PPARGC1A: variants seen among roughly 807,000 people sequenced by gnomAD.
PPARGC1A encodes peroxisome proliferator-activated receptor gamma coactivator 1-alpha.
PPARGC1A carries 25 observed loss-of-function variants against 88.7 expected under a neutral mutation model. That is an observed-to-expected ratio of 0.28 (90% CI 0.21 to 0.39). The LOEUF (loss-of-function observed/expected upper bound fraction) is 0.39. PPARGC1A is among the 10% of genes least tolerant of loss of function. The pLI is 1.00. For missense variants in PPARGC1A, 880 were observed against 968.7 expected, an observed-to-expected ratio of 0.91 and a Z score of 1.22; for synonymous variants, 363 against 355.6, an observed-to-expected ratio of 1.02 and a Z score of -0.24.
the PPARGC1A span, among the ~76,000 whole-genome samples, chr4:24,443,104 G>A: frequency 2.0e-5 from 3 of 152,092 alleles, no homozygotes; most frequent in South Asian, 6.2e-4. Context: ...GTCCTAAATT[G>A]GTTAACCTCA....
the PPARGC1A span, among the ~76,000 whole-genome samples, chr4:24,185,750 T>C: frequency 2.6e-5 from 4 of 152,118 alleles, no homozygotes; most frequent in South Asian, 2.1e-4. Context: ...ATGTGTCATC[T>C]AGCATTAGGT....
At chr4:24,239,889 G>A in the PPARGC1A span, among the ~76,000 whole-genome samples, 1 of 152,030 alleles carries the variant, frequency 6.6e-6, no homozygotes, top group Non-Finnish European at 1.5e-5. Context: ...TATAGAAAGA[G>A]GAGTTTCTTC....
At chr4:24,141,694 T>C in the PPARGC1A span, among the ~76,000 whole-genome samples, 3 of 152,260 alleles carry the variant, frequency 2.0e-5, no homozygotes, top group African/African-American at 4.8e-5. Context: ...GGTGAAGGAA[T>C]GTTGCTTGTT....
chr4:24,066,849 G>GTTTTTTTTTTT, the PPARGC1A span, among the ~76,000 whole-genome samples: 5 of 100,868 alleles, frequency 5.0e-5, no homozygotes, highest in South Asian at 3.2e-4. Context: ...TTTGTTTTGG[G>GTTTTTTTTTTT]TTTTTTTTTT....
the PPARGC1A span, among the ~76,000 whole-genome samples, chr4:24,384,470 C>G: frequency 1.3e-5 from 2 of 149,100 alleles, no homozygotes; most frequent in Non-Finnish European, 3.0e-5. Context: ...TATCAATGTG[C>G]TGTATTCAGG....
At chr4:24,216,272 C>A in the PPARGC1A span, among the ~76,000 whole-genome samples, 1 of 151,654 alleles carries the variant, frequency 6.6e-6, no homozygotes, top group African/African-American at 2.4e-5. Context: ...CTCAGCCTCC[C>A]GAGTAGCTGG....
At chr4:24,307,274 G>A in the PPARGC1A span, among the ~76,000 whole-genome samples, 1 of 152,098 alleles carries the variant, frequency 6.6e-6, no homozygotes, top group Non-Finnish European at 1.5e-5. Context: ...CAAGACATTT[G>A]GGGCAGCTCT....
chr4:24,097,055 C>T, the PPARGC1A span, among the ~76,000 whole-genome samples: 113 of 152,186 alleles, frequency 7.4e-4, no homozygotes, highest in East Asian at 0.02. Context: ...GATGGTGCCA[C>T]GGCGCTCCAG....
the PPARGC1A span, among the ~76,000 whole-genome samples, chr4:24,109,019 C>CA: frequency 1.6e-4 from 23 of 140,730 alleles, no homozygotes; most frequent in African/African-American, 5.5e-4. Flanking sequence ...CACACACACA[C>CA]CACACACACA....
chr4:24,195,972 G>T, the PPARGC1A span, among the ~76,000 whole-genome samples: 1 of 152,196 alleles, frequency 6.6e-6, no homozygotes, highest in Non-Finnish European at 1.5e-5. Flanking sequence ...TGGGAAGTCA[G>T]GAGGAAAGAG....
intron 1 of PPARGC1A, among the ~76,000 whole-genome samples, chr4:23,887,850 G>C (rs114541390): frequency 0.021 from 3,128 of 152,210 alleles, 93 homozygotes; most frequent in African/African-American, 0.071. Context: ...CAGGGGAAAG[G>C]GGGTGGAGAG....
At chr4:24,409,409 T>C in the PPARGC1A span, among the ~76,000 whole-genome samples, 1 of 152,252 alleles carries the variant, frequency 6.6e-6, no homozygotes, top group African/African-American at 2.4e-5. Flanking sequence ...TCAACATCTC[T>C]GGGTTTCACT....
chr4:24,102,693 G>C, the PPARGC1A span, among the ~76,000 whole-genome samples: 1 of 152,184 alleles, frequency 6.6e-6, no homozygotes, highest in Non-Finnish European at 1.5e-5. Context: ...CTCATTGGAA[G>C]ACATCCTCAA....
chr4:24,245,555 C>G, the PPARGC1A span, among the ~76,000 whole-genome samples: 1 of 152,296 alleles, frequency 6.6e-6, no homozygotes, highest in South Asian at 2.1e-4. Context: ...AGTTCATTCC[C>G]TACTATGCAG....
chr4:24,265,875 G>T, the PPARGC1A span, among the ~76,000 whole-genome samples: 6 of 151,322 alleles, frequency 4.0e-5, no homozygotes, highest in Non-Finnish European at 8.8e-5. Context: ...AGGAAGAAAG[G>T]GAGGGAGGGA....
chr4:24,085,742 G>A, the PPARGC1A span, among the ~76,000 whole-genome samples: 5 of 152,156 alleles, frequency 3.3e-5, no homozygotes, highest in African/African-American at 1.2e-4. Flanking sequence ...ATCTCCTCAT[G>A]AAAAACCTGG....
At chr4:24,118,108 C>G in the PPARGC1A span, among the ~76,000 whole-genome samples, 6 of 152,270 alleles carry the variant, frequency 3.9e-5, no homozygotes, top group South Asian at 1.2e-3. Context: ...GAATTTACAA[C>G]AAAGCCCTGC....
the PPARGC1A span, among the ~76,000 whole-genome samples, chr4:23,909,669 A>G: frequency 4.5e-4 from 69 of 151,974 alleles, no homozygotes; most frequent in South Asian, 4.2e-4. Flanking sequence ...TGGAGGCAGA[A>G]CCAGGCTGTG....
the PPARGC1A span, among the ~76,000 whole-genome samples, chr4:24,305,023 A>G: frequency 6.6e-6 from 1 of 151,756 alleles, no homozygotes; most frequent in Non-Finnish European, 1.5e-5. Flanking sequence ...CTTGAAACTT[A>G]CAGTCAAGTA....
Sources: allele counts gnomAD v4.1 joint callset (sites outside exome capture counted in the v4.1 genomes callset), GRCh38; gene constraint gnomAD v4.1.1; transcripts MANE v1.5; gene names NCBI Gene and HGNC (gene_info 2026-07-23, HGNC 2026-07-21).